The following CLDN14 variants were observed in gnomAD, a reference collection of about 807,000 sequenced individuals.
CLDN14 encodes claudin 14.
In CLDN14, 2 loss-of-function variants were observed where a neutral mutation model predicts 2.1. The ratio of observed to expected loss-of-function variants is 0.96; its 90% CI spans 0.39 to 3.01. The LOEUF is 3.01. Among genes scored for constraint, CLDN14 ranks in the 30% most tolerant of loss-of-function variants. The probability of loss-of-function intolerance (pLI) is 0.09; values close to 1 mark genes in which losing one functional copy is unlikely to be tolerated. For missense variants in CLDN14, 298 were observed against 328.0 expected, an observed-to-expected ratio of 0.91 and a Z score of 0.71; for synonymous variants, 136 against 154.4, an observed-to-expected ratio of 0.88 and a Z score of 0.88.
chr21:36,530,527 GAT>G (rs1298813424), intron 1 of CLDN14, among the ~76,000 whole-genome samples: 35 of 152,260 alleles, frequency 2.3e-4, no homozygotes, highest in African/African-American at 7.5e-4. Flanking sequence ...TCTTTCTAGA[GAT>G]AGTCTGGTAG....
intron 2 of CLDN14, among the ~76,000 whole-genome samples, chr21:36,492,659 T>C (rs2086980135): frequency 2.0e-5 from 3 of 151,736 alleles, no homozygotes; most frequent in Admixed American, 2.0e-4. Context: ...AAGGTAAAGA[T>C]GAAGTTATAC....
intron 1 of CLDN14, among the ~76,000 whole-genome samples, chr21:36,466,989 G>A (rs142616983): frequency 2.0e-5 from 3 of 152,106 alleles, no homozygotes; most frequent in African/African-American, 7.2e-5. Flanking sequence ...AGTTTTGGTC[G>A]ACTTCATCCC....
chr21:36,537,989 A>ATG (rs34437515), intron 1 of CLDN14, among the ~76,000 whole-genome samples: 54,685 of 148,990 alleles, frequency 0.37, 10,373 homozygotes, highest in South Asian at 0.49. Flanking sequence ...TCAAAACAAA[A>ATG]TGTGTGTGTG....
intron 1 of CLDN14, among the ~76,000 whole-genome samples, chr21:36,515,917 G>C (rs1194968514): frequency 6.6e-6 from 1 of 151,204 alleles, no homozygotes; most frequent in Non-Finnish European, 1.5e-5. Flanking sequence ...CTTCTGAGTA[G>C]CTGGGATTAC....
At chr21:36,484,900 C>T (rs1027720506), upstream of CLDN14, among the ~76,000 whole-genome samples, 24 of 151,956 alleles carry the variant, frequency 1.6e-4, no homozygotes, top group Middle Eastern at 3.4e-3. Context: ...TTAGTGGAGG[C>T]GGGGTTTCTC....
chr21:36,517,814 T>C lies in CLDN14; in HGVS notation c.-219-7314A>G, dbSNP rs955828963. Among the ~76,000 whole-genome samples the C allele has an allele frequency of 5.9e-5, 9 of 152,230 alleles. No individual in the cohort carries two copies. In the South Asian group the frequency reaches 6.2e-4, roughly 11 times the overall value. ...GAGGGTTTTTGGGAGGAGATCAACA[T>C]TTAAATCAGCCAAGTTGAAGTAAAG... On this transcript the variant is annotated intron_variant, in intron 1 of 2. Coordinates refer to the CLDN14 transcript ENST00000342108.
intron 1 of CLDN14, among the ~76,000 whole-genome samples, chr21:36,557,501 A>G (rs1361936163): frequency 6.6e-6 from 1 of 151,870 alleles, no homozygotes; most frequent in African/African-American, 2.4e-5. Flanking sequence ...GTAATATCTC[A>G]TTGTGGTTTT....
chr21:36,475,191 G>T (rs219752), intron 1 of CLDN14, among the ~76,000 whole-genome samples: 1 of 151,968 alleles, frequency 6.6e-6, no homozygotes, highest in African/African-American at 2.4e-5. Context: ...GTGGACAAAG[G>T]GCTGGACTGG....
At position 36,461,595 on chromosome 21, in the gene CLDN14, G is replaced by T. The variant is rs754032374; in HGVS notation, c.101C>A (p.Ala34Glu). 1 of 1,608,964 alleles carries T rather than the reference G, an allele frequency of 6.2e-7. No individual in the cohort carries two copies. The highest frequency in any genetic ancestry group is 8.5e-7 in the Non-Finnish European group (1 of 1,178,080). ...TTILPHWRRTAHVGTNILTAV... is the reference protein window; with the variant it reads ...TTILPHWRRTEHVGTNILTAV... Reference sequence around the variant, plus strand: ...CGTGAGGATGTTGGTGCCCACGTGCGCTGTCCTCCGCCAGTGCGGCAGGAT... The same window carrying T: ...CGTGAGGATGTTGGTGCCCACGTGCTCTGTCCTCCGCCAGTGCGGCAGGAT... The change falls in exon 2 of 2, where the codon GCG (alanine) becomes GAG (glutamate). Residue 34 changes from alanine to glutamate, a missense_variant. Coordinates refer to ENST00000399135, the MANE Select transcript of CLDN14 (RefSeq NM_001146079.2).
chr21:36,486,015 T>G lies in CLDN14; in HGVS notation c.-81-24239A>C, dbSNP rs190330667. ...TTGTCTTCCTCCTTCTTGTCCTTCT[T>G]GCCATCCTTGGTGGCCTGGCAGGCC... is the stretch of plus-strand genomic sequence containing the variant. On this transcript the variant is annotated intron_variant, in intron 2 of 2. Coordinates refer to the CLDN14 transcript ENST00000342108. 2.2e-5 allele frequency: 32 copies of G among 1,466,116 alleles called. No individual in the cohort carries two copies. The East Asian group carries it at 7.3e-4, about 33-fold the overall frequency. 90.8% of individuals were successfully genotyped at this position (1,466,116 alleles called of 1,614,324 possible). A position where few individuals can be genotyped will look rare whatever the true frequency, so the allele number is the denominator to read the frequency against.
chr21:36,525,439 A>T (rs1300367033), intron 1 of CLDN14, among the ~76,000 whole-genome samples: 1 of 152,054 alleles, frequency 6.6e-6, no homozygotes, highest in Non-Finnish European at 1.5e-5. Flanking sequence ...GAGAAAGAAA[A>T]GGTTCTGAGG....
At chr21:36,572,981 A>G (rs2087719183) in intron 1 of CLDN14, among the ~76,000 whole-genome samples, 1 of 152,250 alleles carries the variant, frequency 6.6e-6, no homozygotes, top group Non-Finnish European at 1.5e-5. Flanking sequence ...AGTGTCTTCT[A>G]TGTACGTATA....
chr21:36,493,360 C>T (rs1285485640), intron 2 of CLDN14, among the ~76,000 whole-genome samples: 1 of 152,118 alleles, frequency 6.6e-6, no homozygotes, highest in Admixed American at 6.5e-5. Context: ...TGGCAAGACA[C>T]ATTAAGCTTT....
chr21:36,499,174 G>A lies in CLDN14; in HGVS notation c.-82+11189C>T, dbSNP rs1330044168. On this transcript the variant is annotated intron_variant, in intron 2 of 2. Coordinates refer to the CLDN14 transcript ENST00000342108. This position sits in a 1 kb window ranked among gnomAD's most constrained non-coding sequence, Gnocchi z 4.7. ...CAGAGCACACATCGGTTTTGTGGGG[G>A]CAATGAACCCCGCAACTGCGGGAAA... is the stretch of plus-strand genomic sequence containing the variant. Among the ~76,000 whole-genome samples the A allele has an allele frequency of 6.6e-6, 1 of 152,206 alleles. No individual in the cohort carries two copies. Among genetic ancestry groups the A allele is most frequent in the Non-Finnish European group, 1.5e-5 (1 of 68,038 alleles).
At position 36,567,146 on chromosome 21, in the gene CLDN14, A is replaced by G. The variant is rs555840484; in HGVS notation, c.-220+9265T>C. Reference sequence around the variant, plus strand: ...GGCTGACATTCAGGACTCACCAACTATTAGGCGGCTTGGAGGCAGAAGCCT... The same window carrying G: ...GGCTGACATTCAGGACTCACCAACTGTTAGGCGGCTTGGAGGCAGAAGCCT... On this transcript the variant is annotated intron_variant, in intron 1 of 2. Transcript: ENST00000342108. 3.3e-5 allele frequency among the ~76,000 whole-genome samples: 5 copies of G among 152,346 alleles called. No homozygotes were observed. The East Asian group carries it at 9.6e-4, about 29-fold the overall frequency.
At chr21:36,512,982 G>T (rs2087197540) in intron 1 of CLDN14, among the ~76,000 whole-genome samples, 1 of 152,212 alleles carries the variant, frequency 6.6e-6, no homozygotes, top group Non-Finnish European at 1.5e-5. Flanking sequence ...TAACCCTAAA[G>T]GTAAAAATGG....
In CLDN14 at chr21:36,508,369, G is replaced by A. The variant is rs147637738; in HGVS notation, c.-82+1994C>T. On this transcript the variant is annotated intron_variant, in intron 2 of 2. Transcript: ENST00000342108. Reference sequence around the variant, plus strand: ...ATGGAAATGATGAAGGAAGCAGAGGGTGAAGTTTAAGGACAGGTGGAAATC... The same window carrying A: ...ATGGAAATGATGAAGGAAGCAGAGGATGAAGTTTAAGGACAGGTGGAAATC... Among the ~76,000 whole-genome samples the A allele has an allele frequency of 2.6e-4, 39 of 152,342 alleles. No individual in the cohort carries two copies. The East Asian group carries it at 6.6e-3, about 26-fold the overall frequency.
chr21:36,565,415 C>T (rs2087665851), intron 1 of CLDN14, among the ~76,000 whole-genome samples: 1 of 95,842 alleles, frequency 1.0e-5, no homozygotes, highest in African/African-American at 3.2e-5. Context: ...TCCCTTTTTC[C>T]CAAATCTTTT....
intron 1 of CLDN14, among the ~76,000 whole-genome samples, chr21:36,556,364 C>T (rs576162372): frequency 2.3e-4 from 35 of 152,238 alleles, no homozygotes; most frequent in African/African-American, 8.4e-4. Context: ...GGAGTGCTGC[C>T]CATGGTGGCC....
Sources: gnomAD v4.1 joint callset for allele counts (sites outside exome capture counted in the v4.1 genomes callset) on GRCh38, gnomAD v4.1.1 for gene constraint, Gnocchi (gnomAD v3.1) non-coding constraint, MANE v1.5 for transcripts, NCBI Gene and HGNC (gene_info 2026-07-23, HGNC 2026-07-21) for gene names.